The following TVP23A variants were observed in gnomAD, a reference collection of about 807,000 sequenced individuals.
TVP23A encodes Golgi apparatus membrane protein TVP23 homolog A.
A neutral mutation model predicts 31.7 loss-of-function variants in TVP23A; 21 were observed. That is an observed-to-expected ratio of 0.66 (90% CI 0.47 to 0.95). TVP23A has a LOEUF of 0.95. TVP23A is among the 40% of genes least tolerant of loss of function. The probability of loss-of-function intolerance (pLI) is 0.00; values close to 1 mark genes in which losing one functional copy is unlikely to be tolerated. For synonymous variants in TVP23A, 104 were observed against 96.0 expected, an observed-to-expected ratio of 1.08 and a Z score of -0.49; for missense variants, 279 against 255.6, an observed-to-expected ratio of 1.09 and a Z score of -0.62.
chr16:10,797,041 T>A (rs551345838), intron 2 of TVP23A, among the ~76,000 whole-genome samples: 2 of 140,056 alleles, frequency 1.4e-5, no homozygotes, highest in South Asian at 4.2e-4. Context: ...AATCAAACAA[T>A]TAGCCAGGCG....
At chr16:10,789,144 T>C (rs1358449557) in intron 2 of TVP23A, among the ~76,000 whole-genome samples, 1 of 152,160 alleles carries the variant, frequency 6.6e-6, no homozygotes, top group East Asian at 1.9e-4. Context: ...AAGGTTTTTA[T>C]ATCACAGATG....
chr16:10,757,872 G>T (rs1420075875), downstream of TVP23A: 1 of 1,613,338 alleles, frequency 6.2e-7, no homozygotes, highest in African/African-American at 1.3e-5. The surrounding 1 kb of genome is among the most constrained non-coding windows in gnomAD (Gnocchi z 4.1). Flanking sequence ...CCTCTTTCTA[G>T]GCATGATCAA....
chr16:10,803,268 T>TGTGTGTGTGTGTGTGTGTGTGTGCGTGC (rs1555485950), intron 2 of TVP23A, among the ~76,000 whole-genome samples: 50 of 151,420 alleles, frequency 3.3e-4, no homozygotes, highest in Middle Eastern at 3.4e-3. Context: ...TGTGTGTGTG[T>TGTGTGTGTGTGTGTGTGTGTGTGCGTGC]GTGTGTGTGT....
intron 2 of TVP23A, among the ~76,000 whole-genome samples, chr16:10,817,301 T>A (rs1395330117): frequency 6.6e-6 from 1 of 152,214 alleles, no homozygotes; most frequent in East Asian, 1.9e-4. Flanking sequence ...ATCAGAGAGT[T>A]TGATTTTAAA....
At chr16:10,795,314 G>A (rs1378027633) in intron 2 of TVP23A, among the ~76,000 whole-genome samples, 1 of 150,818 alleles carries the variant, frequency 6.6e-6, no homozygotes, top group Non-Finnish European at 1.5e-5. Context: ...GCAGTGGCAT[G>A]ATCTTGGCTA....
intron 2 of TVP23A, among the ~76,000 whole-genome samples, chr16:10,783,573 G>T (rs1361245156): frequency 6.6e-6 from 1 of 152,150 alleles, no homozygotes; most frequent in East Asian, 1.9e-4. Flanking sequence ...CTGCCGGAGA[G>T]GCTGAGGCAT....
Position 10,768,108 on chromosome 16 carries a change from G to C in TVP23A, c.*994C>G. 20 of 1,395,804 alleles carry C rather than the reference G, an allele frequency of 1.4e-5. No homozygotes were observed. Among genetic ancestry groups the C allele is most frequent in the Non-Finnish European group, 2.0e-5 (20 of 989,878 alleles). 86.5% of individuals were successfully genotyped at this position (1,395,804 alleles called of 1,614,324 possible). A position where few individuals can be genotyped will look rare whatever the true frequency, so the allele number is the denominator to read the frequency against. ...ACATAAAGGAGCCAGGGGTGTGGAAGGACAGGTGGGTGGTGGGGTCTGTGA... is the reference window on the plus strand; with the variant it reads ...ACATAAAGGAGCCAGGGGTGTGGAACGACAGGTGGGTGGTGGGGTCTGTGA... On this transcript the variant is annotated 3_prime_UTR_variant, in exon 8 of 8. Transcript: ENST00000299866. The surrounding 1 kb of genome is among the most constrained non-coding windows in gnomAD (Gnocchi z 4.3).
At chr16:10,792,285 C>T (rs1000456266) in intron 2 of TVP23A, among the ~76,000 whole-genome samples, 1 of 152,172 alleles carries the variant, frequency 6.6e-6, no homozygotes, top group Non-Finnish European at 1.5e-5. Flanking sequence ...GTATTTACCA[C>T]AGACAACACT....
chr16:10,771,643 T>C, intron 6 of TVP23A, 27 bp downstream of exon 6: 2 of 1,613,244 alleles, frequency 1.2e-6, no homozygotes, highest in South Asian at 1.1e-5. Flanking sequence ...AGAGGAGTGG[T>C]CCAAGAGTCA....
chr16:10,761,216 G>T (rs1900948758), downstream of TVP23A: 1 of 614,066 alleles, frequency 1.6e-6, no homozygotes. Context: ...AGATTTGGAT[G>T]GGGACACAGA....
intron 2 of TVP23A, among the ~76,000 whole-genome samples, chr16:10,791,966 G>A (rs1223781366): frequency 6.6e-6 from 1 of 152,190 alleles, no homozygotes; most frequent in African/African-American, 2.4e-5. Context: ...GGGCCAAGTC[G>A]AAAGCCCATT....
chr16:10,776,476 T>C (rs970336510), intron 2 of TVP23A, among the ~76,000 whole-genome samples: 15 of 152,224 alleles, frequency 9.9e-5, no homozygotes, highest in African/African-American at 3.4e-4. Context: ...CTGAAGACAC[T>C]TGTGGGTTTC....
chr16:10,770,731 C>T (rs1043103522), intron 6 of TVP23A, among the ~76,000 whole-genome samples: 8 of 151,740 alleles, frequency 5.3e-5, no homozygotes, highest in Non-Finnish European at 1.2e-4. Flanking sequence ...ATTAGCCAGG[C>T]ATGGTGTTAT....
chr16:10,785,138 C>T (rs922551599), intron 2 of TVP23A, among the ~76,000 whole-genome samples: 34 of 147,894 alleles, frequency 2.3e-4, no homozygotes, highest in African/African-American at 8.2e-4. Flanking sequence ...GGCATGGTGG[C>T]TCACGCCTAT....
At chr16:10,784,614 T>TA (rs2142959625) in intron 2 of TVP23A, among the ~76,000 whole-genome samples, 1 of 151,876 alleles carries the variant, frequency 6.6e-6, no homozygotes, top group African/African-American at 2.4e-5. Flanking sequence ...TCATAAAATG[T>TA]ACAACATCAA....
At chr16:10,773,209 A>G (rs2031753399) in intron 5 of TVP23A, 104 bp downstream of exon 5, 1 of 1,368,304 alleles carries the variant, frequency 7.3e-7, no homozygotes, top group African/African-American at 1.5e-5. Flanking sequence ...AACTTGTTAT[A>G]ATTGATCAAT....
exon 9 of TVP23A, chr16:10,761,398 A>G (rs765734724): frequency 9.3e-6 from 15 of 1,614,004 alleles, no homozygotes; most frequent in African/African-American, 1.3e-5. Flanking sequence ...AAAGAAATCA[A>G]CTTCTGCCGC....
At position 10,779,583 on chromosome 16, in the gene TVP23A, G is replaced by A. The variant is rs527255012; in HGVS notation, c.90-4487C>T. On this transcript the variant is annotated intron_variant, in intron 2 of 7. Transcript: ENST00000299866. This position sits in a 1 kb window ranked among gnomAD's most constrained non-coding sequence, Gnocchi z 4.9. ...AGCACAGGGGCATGGCACCAGCTGCGTGTGTTCCCGGACCAACTGAGAATC... is the reference window on the plus strand; with the variant it reads ...AGCACAGGGGCATGGCACCAGCTGCATGTGTTCCCGGACCAACTGAGAATC... Among the ~76,000 whole-genome samples, 1 of 152,276 alleles carries A rather than the reference G, an allele frequency of 6.6e-6. No individual in the cohort carries two copies. Among genetic ancestry groups the A allele is most frequent in the East Asian group, 1.9e-4 (1 of 5,180 alleles).
intron 2 of TVP23A, among the ~76,000 whole-genome samples, chr16:10,796,603 T>A (rs1046827562): frequency 6.6e-6 from 1 of 150,378 alleles, no homozygotes; most frequent in African/African-American, 2.4e-5. Flanking sequence ...CAGCTAATAT[T>A]TTTTTTTTGT....
Sources: allele counts gnomAD v4.1 joint callset (sites outside exome capture counted in the v4.1 genomes callset), GRCh38; gene constraint gnomAD v4.1.1; non-coding constraint Gnocchi (gnomAD v3.1); transcripts MANE v1.5; gene names NCBI Gene and HGNC (gene_info 2026-07-23, HGNC 2026-07-21).